STXBP6: variants seen among roughly 807,000 people sequenced by gnomAD.
STXBP6 encodes the protein syntaxin-binding protein 6.
In STXBP6, 21 loss-of-function variants were observed where a neutral mutation model predicts 26.9. That is an observed-to-expected ratio of 0.78 (90% CI 0.55 to 1.12). The LOEUF (loss-of-function observed/expected upper bound fraction) is 1.12, where lower values mean the gene tolerates loss of function less well. Ranked by LOEUF, STXBP6 falls within the 50% of genes most tolerant of loss-of-function variation. The probability of loss-of-function intolerance (pLI) is 0.00; values close to 1 mark genes in which losing one functional copy is unlikely to be tolerated. For missense variants in STXBP6, 232 were observed against 257.9 expected (o/e 0.90, Z 0.69); for synonymous variants, 97 against 92.6 (o/e 1.05, Z -0.27).
intron 1 of STXBP6, among the ~76,000 whole-genome samples, chr14:24,982,692 A>C (rs2074229284): frequency 6.6e-6 from 1 of 152,206 alleles, no homozygotes. Flanking sequence ...TGTCTGCTTC[A>C]ACTATAAACC....
intron 5 of STXBP6, among the ~76,000 whole-genome samples, chr14:24,815,252 G>T (rs2138682989): frequency 6.6e-6 from 1 of 152,016 alleles, no homozygotes; most frequent in Non-Finnish European, 1.5e-5. Flanking sequence ...ATAAATTTAG[G>T]TGTCAGAGTT....
At chr14:25,045,991 T>C (rs1364506075) in intron 1 of STXBP6, among the ~76,000 whole-genome samples, 1 of 152,230 alleles carries the variant, frequency 6.6e-6, no homozygotes, top group Non-Finnish European at 1.5e-5. Flanking sequence ...TAGTGCAGTA[T>C]AACTAGTGTT....
intron 4 of STXBP6, among the ~76,000 whole-genome samples, chr14:24,845,549 A>G (rs1439311554): frequency 6.6e-6 from 1 of 152,226 alleles, no homozygotes; most frequent in Non-Finnish European, 1.5e-5. Context: ...AGAACAGATT[A>G]GCAGAAGTAA....
intron 2 of STXBP6, among the ~76,000 whole-genome samples, chr14:24,923,667 T>C (rs930555419): frequency 6.6e-6 from 1 of 152,172 alleles, no homozygotes; most frequent in Non-Finnish European, 1.5e-5. Context: ...TCATTTTAAC[T>C]GACATTTTCC....
intron 2 of STXBP6, among the ~76,000 whole-genome samples, chr14:24,907,598 T>C (rs1404811573): frequency 2.0e-5 from 3 of 152,152 alleles, no homozygotes; most frequent in Non-Finnish European, 2.9e-5. Flanking sequence ...TTTATTTTCT[T>C]CTTTTGTGGC....
At chr14:25,033,149 G>T (rs571951285) in intron 1 of STXBP6, among the ~76,000 whole-genome samples, 1 of 152,164 alleles carries the variant, frequency 6.6e-6, no homozygotes, top group African/African-American at 2.4e-5. Context: ...GAGGCATGAC[G>T]GTCCATGCAA....
At chr14:24,857,266 G>C in intron 2 of STXBP6, 109 bp from the exon 3 acceptor site, 3 of 1,403,362 alleles carry the variant, frequency 2.1e-6, no homozygotes, top group Non-Finnish European at 2.9e-6. Context: ...CAATAACAGA[G>C]AGAAGGCAGA....
chr14:24,811,545 T>C lies in STXBP6; in HGVS notation c.*1164A>G, dbSNP rs528433082. 6.6e-6 allele frequency: 1 copy of C among 152,284 alleles called. No individual in the cohort carries two copies. Among genetic ancestry groups the C allele is most frequent in the African/African-American group, 2.4e-5 (1 of 41,556 alleles). 9.4% of individuals were successfully genotyped at this position (152,284 alleles called of 1,614,324 possible). A position where few individuals can be genotyped will look rare whatever the true frequency, so the allele number is the denominator to read the frequency against. On this transcript the variant is annotated 3_prime_UTR_variant, in exon 6 of 6. Transcript: ENST00000323944. The stretch of plus-strand genomic sequence containing the variant: ...GAGTAATAGAAAATCACGAGGTGTG[T>C]GACCAACTGTATTGAAACTGACTGC...
chr14:24,988,003 A>T, intron 1 of STXBP6: 1 of 460,870 alleles, frequency 2.2e-6, no homozygotes, highest in Non-Finnish European at 2.9e-6. Flanking sequence ...TCAACAAGTT[A>T]GCCAATCAAT....
chr14:24,907,060 G>A (rs1459584403), intron 2 of STXBP6, among the ~76,000 whole-genome samples: 1 of 152,036 alleles, frequency 6.6e-6, no homozygotes, highest in Non-Finnish European at 1.5e-5. Context: ...TTGGTTATGA[G>A]TACAAAAATA....
intron 4 of STXBP6, among the ~76,000 whole-genome samples, chr14:24,834,782 G>A (rs1448944818): frequency 6.6e-6 from 1 of 152,174 alleles, no homozygotes; most frequent in Non-Finnish European, 1.5e-5. Context: ...AGACCTGTGG[G>A]GGAGAAGGGC....
intron 1 of STXBP6, among the ~76,000 whole-genome samples, chr14:25,022,945 T>C (rs1398453777): frequency 6.6e-6 from 1 of 152,216 alleles, no homozygotes; most frequent in East Asian, 1.9e-4. Flanking sequence ...TCCTCAGAGT[T>C]CTTATTGCAA....
chr14:24,909,080 A>G (rs575337446), intron 2 of STXBP6, among the ~76,000 whole-genome samples: 1 of 152,266 alleles, frequency 6.6e-6, no homozygotes, highest in Non-Finnish European at 1.5e-5. Context: ...GCAGGAAAGA[A>G]GACACAGAGT....
intron 1 of STXBP6, among the ~76,000 whole-genome samples, chr14:24,978,128 C>G: frequency 6.6e-6 from 1 of 152,228 alleles, no homozygotes; most frequent in East Asian, 1.9e-4. Context: ...ACTGTCATAA[C>G]TTCATAGCAA....
At chr14:24,836,466 C>T (rs1027294322) in intron 4 of STXBP6, among the ~76,000 whole-genome samples, 10 of 151,752 alleles carry the variant, frequency 6.6e-5, no homozygotes, top group African/African-American at 2.2e-4. Context: ...GGTGTGGTGG[C>T]GGGTGCCTGT....
intron 2 of STXBP6, among the ~76,000 whole-genome samples, chr14:24,925,402 A>T (rs557293310): frequency 6.6e-6 from 1 of 152,366 alleles, no homozygotes; most frequent in South Asian, 2.1e-4. Context: ...TTAAGGCACA[A>T]GTAATTACAG....
At chr14:24,836,353 T>G (rs1253975961) in intron 4 of STXBP6, among the ~76,000 whole-genome samples, 1 of 151,960 alleles carries the variant, frequency 6.6e-6, no homozygotes, top group Non-Finnish European at 1.5e-5. Flanking sequence ...TCCCAGCACT[T>G]TGGGAGGTCG....
chr14:24,918,756 T>C (rs578120051), intron 2 of STXBP6, among the ~76,000 whole-genome samples: 1 of 152,178 alleles, frequency 6.6e-6, no homozygotes, highest in African/African-American at 2.4e-5. Flanking sequence ...CAACTGATTG[T>C]TGACATGAAA....
At chr14:25,017,377 G>A (rs2075172242) in intron 1 of STXBP6, among the ~76,000 whole-genome samples, 1 of 152,178 alleles carries the variant, frequency 6.6e-6, no homozygotes, top group Non-Finnish European at 1.5e-5. Flanking sequence ...ATTTCCTATG[G>A]AAACTGGTAT....
Sources: gnomAD v4.1 joint callset for allele counts (sites outside exome capture counted in the v4.1 genomes callset) on GRCh38, gnomAD v4.1.1 for gene constraint, MANE v1.5 for transcripts, NCBI Gene and HGNC (gene_info 2026-07-23, HGNC 2026-07-21) for gene names.